PLD1: variants seen among roughly 807,000 people sequenced by gnomAD.
PLD1 encodes the protein phospholipase D1, also known as choline phosphatase 1.
In PLD1, 112 loss-of-function variants were observed where a neutral mutation model predicts 137.1. The observed-to-expected ratio is 0.82, with a 90% CI of 0.70 to 0.96. The LOEUF is 0.96. Among genes scored for constraint, PLD1 ranks in the 40% least tolerant of loss-of-function variants. PLD1 has a pLI of 0.00. For synonymous variants in PLD1, 431 were observed against 454.7 expected (o/e 0.95, Z 0.66); for missense variants, 1,321 against 1,342.0 (o/e 0.98, Z 0.24).
At chr3:171,619,826 T>C (rs73176160) in intron 24 of PLD1, among the ~76,000 whole-genome samples, 14,558 of 152,120 alleles carry the variant, frequency 0.096, 842 homozygotes, top group Middle Eastern at 0.22. Flanking sequence ...GGCTCGGGCC[T>C]GTAATCCCAG....
At chr3:171,714,206 C>CA (rs896546561) in intron 8 of PLD1, among the ~76,000 whole-genome samples, 161 bp from the exon 9 acceptor site, 34 of 151,540 alleles carry the variant, frequency 2.2e-4, no homozygotes, top group African/African-American at 6.8e-4. Context: ...ATGAAACAAA[C>CA]AAAAAAAACC....
chr3:171,617,394 G>T (rs1364121283), intron 24 of PLD1, among the ~76,000 whole-genome samples: 3 of 152,090 alleles, frequency 2.0e-5, no homozygotes, highest in South Asian at 2.1e-4. Context: ...TTCTGGTTTG[G>T]CAACATCCAT....
At chr3:171,656,206 T>C (rs1203784977) in intron 21 of PLD1, among the ~76,000 whole-genome samples, 1 of 138,858 alleles carries the variant, frequency 7.2e-6, no homozygotes, top group East Asian at 2.1e-4. Flanking sequence ...AGTCTTGGTC[T>C]GTCACCCAGG....
At chr3:171,669,618 C>G (rs1251071206) in intron 19 of PLD1, among the ~76,000 whole-genome samples, 1 of 152,222 alleles carries the variant, frequency 6.6e-6, no homozygotes, top group East Asian at 1.9e-4. Flanking sequence ...CCAGGCTGGT[C>G]TCGAACTCCT....
At chr3:171,652,766 A>ATT (rs1174564536) in intron 21 of PLD1, among the ~76,000 whole-genome samples, 7,164 of 75,410 alleles carry the variant, frequency 0.095, 1,490 homozygotes, top group Non-Finnish European at 0.12. Flanking sequence ...ACACTCAGCT[A>ATT]TTTTTTTTTT....
intron 6 of PLD1, among the ~76,000 whole-genome samples, chr3:171,727,903 TG>T (rs1718659877): frequency 6.6e-6 from 1 of 152,242 alleles, no homozygotes; most frequent in Non-Finnish European, 1.5e-5. Context: ...TCTCTTTTCT[TG>T]GGGTTATTTG....
chr3:171,623,204 C>G (rs1170582271), intron 23 of PLD1, among the ~76,000 whole-genome samples: 1 of 151,082 alleles, frequency 6.6e-6, no homozygotes, highest in African/African-American at 2.4e-5. Flanking sequence ...AAAATGCCAA[C>G]AAGTTCTCAT....
intron 1 of PLD1, among the ~76,000 whole-genome samples, chr3:171,764,305 A>C (rs1252293258): frequency 6.6e-6 from 1 of 152,170 alleles, no homozygotes; most frequent in Non-Finnish European, 1.5e-5. Context: ...CATAAGAATC[A>C]CTAATATTCA....
intron 21 of PLD1, among the ~76,000 whole-genome samples, chr3:171,648,519 G>A (rs1270681177): frequency 6.6e-6 from 1 of 151,736 alleles, no homozygotes; most frequent in African/African-American, 2.4e-5. Context: ...TCATTTAACA[G>A]GGTATCTTGG....
chr3:171,758,962 C>T (rs1721214899), intron 1 of PLD1, among the ~76,000 whole-genome samples: 1 of 152,202 alleles, frequency 6.6e-6, no homozygotes, highest in South Asian at 2.1e-4. Flanking sequence ...TTGGCAAATA[C>T]AGAATCACTC....
chr3:171,780,250 T>C (rs1035450378), intron 1 of PLD1, among the ~76,000 whole-genome samples: 17 of 151,632 alleles, frequency 1.1e-4, no homozygotes, highest in Non-Finnish European at 1.9e-4. Flanking sequence ...GATTCAGGAA[T>C]GGGGTTTGGA....
intron 12 of PLD1, among the ~76,000 whole-genome samples, chr3:171,694,640 C>T (rs1042827648): frequency 1.3e-5 from 2 of 151,804 alleles, no homozygotes; most frequent in Non-Finnish European, 2.9e-5. Context: ...AACATTACAC[C>T]TGACATTCTT....
chr3:171,781,745 G>A (rs1442703483), intron 1 of PLD1, among the ~76,000 whole-genome samples: 6 of 152,172 alleles, frequency 3.9e-5, no homozygotes, highest in Non-Finnish European at 8.8e-5. Flanking sequence ...CCAAATGCTG[G>A]CAAGGATACA....
At chr3:171,798,282 C>T (rs1014331974) in intron 1 of PLD1, among the ~76,000 whole-genome samples, 4 of 152,176 alleles carry the variant, frequency 2.6e-5, no homozygotes, top group African/African-American at 9.7e-5. Flanking sequence ...AGCAAAGGGT[C>T]TAGAGACCTT....
rs763329957 is a variant in PLD1, at chr3:171,674,582, T to A, written c.2147A>T (p.Tyr716Phe). Residue 716 changes from tyrosine to phenylalanine, a missense_variant, in exon 19 of 27, where the codon TAT (tyrosine) becomes TTT (phenylalanine). By Grantham distance (22) the Tyr-to-Phe change is conservative (BLOSUM62 3). Coordinates refer to ENST00000351298, the MANE Select transcript of PLD1 (RefSeq NM_002662.5). ...IMKSKYRSLS[Y>F]PFLLPKSQTT... ...TTGAGACTTTGGAAGCAGAAAAGGA[T>A]AAGAAAGGGACCGATATTTTGATTT... 1.9e-6 allele frequency: 3 copies of A among 1,600,966 alleles called. No homozygotes were observed. Among genetic ancestry groups the A allele is most frequent in the Non-Finnish European group, 2.6e-6 (3 of 1,168,636 alleles).
At chr3:171,711,717 A>C (rs1453637173) in intron 9 of PLD1, among the ~76,000 whole-genome samples, 5 of 151,586 alleles carry the variant, frequency 3.3e-5, no homozygotes, top group Non-Finnish European at 7.4e-5. Flanking sequence ...AGTCATGCTC[A>C]ACATGGCTGA....
intron 16 of PLD1, among the ~76,000 whole-genome samples, chr3:171,685,133 T>C (rs746985266): frequency 1.3e-5 from 2 of 152,234 alleles, no homozygotes; most frequent in Non-Finnish European, 2.9e-5. Flanking sequence ...TTTGCAACTT[T>C]TTTTAGCTCA....
At position 171,603,293 on chromosome 3, in the gene PLD1, A is replaced by G; in HGVS notation, c.3010T>C (p.Cys1004Arg). Residue 1004 changes from cysteine (C) to arginine (R), a missense_variant, in exon 27 of 27, where the codon TGC becomes CGC. Physicochemically the swap from Cys to Arg is radical, Grantham distance 180. Transcript: ENST00000351298. ...NATIYDKVFR[C>R]LPNDEVHNLI... is the part of the protein sequence containing the mutation. ...TTGTGTACTTCATCATTGGGAAGGC[A>G]CCGGAAAACCTGATTAGAGCATAAA... 6.2e-7 allele frequency: 1 copy of G among 1,613,026 alleles called. No homozygotes were observed. Among genetic ancestry groups the G allele is most frequent in the Non-Finnish European group, 8.5e-7 (1 of 1,179,076 alleles).
chr3:171,784,173 T>C (rs1308076831), intron 1 of PLD1, among the ~76,000 whole-genome samples: 2 of 152,154 alleles, frequency 1.3e-5, no homozygotes, highest in Non-Finnish European at 2.9e-5. Context: ...AAATTGGCTA[T>C]CAGAGAAAAA....
Sources: gnomAD v4.1 joint callset for allele counts (sites outside exome capture counted in the v4.1 genomes callset) on GRCh38, gnomAD v4.1.1 for gene constraint, MANE v1.5 for transcripts, NCBI Gene and HGNC (gene_info 2026-07-23, HGNC 2026-07-21) for gene names.